Variants in SLC35F3 observed in about 807,000 individuals in gnomAD.
SLC35F3 encodes putative thiamine transporter SLC35F3.
A neutral mutation model predicts 49.9 loss-of-function variants in SLC35F3; 25 were observed. That is an observed-to-expected ratio of 0.50 (90% CI 0.37 to 0.70). SLC35F3 has a LOEUF of 0.70. Ranked by LOEUF, SLC35F3 falls within the 30% of genes least tolerant of loss-of-function variation. The pLI, the probability that SLC35F3 is intolerant of heterozygous loss-of-function variation, is 0.00. For synonymous variants in SLC35F3, 275 were observed against 265.4 expected (o/e 1.04, Z -0.35); for missense variants, 525 against 639.8 (o/e 0.82, Z 1.94).
chr1:234,227,756 CT>C (rs1667310872), intron 2 of SLC35F3, among the ~76,000 whole-genome samples: 1 of 152,130 alleles, frequency 6.6e-6, no homozygotes, highest in African/African-American at 2.4e-5. Flanking sequence ...AACACTTGAC[CT>C]GAAATTTTGG....
At chr1:234,205,809 C>A (rs1293859368) in intron 2 of SLC35F3, among the ~76,000 whole-genome samples, 2 of 152,144 alleles carry the variant, frequency 1.3e-5, no homozygotes, top group African/African-American at 4.8e-5. Flanking sequence ...GTTTTAGGAG[C>A]CAGAAATCCA....
At chr1:233,918,342 A>G (rs1662004107) in intron 2 of SLC35F3, among the ~76,000 whole-genome samples, 1 of 152,108 alleles carries the variant, frequency 6.6e-6, no homozygotes, top group Non-Finnish European at 1.5e-5. Flanking sequence ...GATAACAGTT[A>G]TCTTATGGTG....
At chr1:234,000,398 G>T (rs1014537860) in intron 2 of SLC35F3, among the ~76,000 whole-genome samples, 5 of 152,176 alleles carry the variant, frequency 3.3e-5, no homozygotes, top group African/African-American at 4.8e-5. Flanking sequence ...TTACGCAATG[G>T]CAGGGGACAC....
At chr1:234,280,653 A>C (rs1572132832) in intron 3 of SLC35F3, among the ~76,000 whole-genome samples, 1 of 152,202 alleles carries the variant, frequency 6.6e-6, no homozygotes, top group African/African-American at 2.4e-5. Flanking sequence ...GACAGTCTTT[A>C]CATGTCATTA....
chr1:234,254,640 G>C (rs1250391339), intron 3 of SLC35F3, among the ~76,000 whole-genome samples: 2 of 152,246 alleles, frequency 1.3e-5, no homozygotes, highest in African/African-American at 4.8e-5. Context: ...GATTGTAAAA[G>C]ATACTATAAA....
intron 3 of SLC35F3, among the ~76,000 whole-genome samples, chr1:234,247,336 T>C (rs1667649187): frequency 6.6e-6 from 1 of 152,236 alleles, no homozygotes; most frequent in South Asian, 2.1e-4. Context: ...CATTGTTTGA[T>C]AGTTTGGTTG....
At chr1:234,285,774 G>T (rs1340747642) in intron 3 of SLC35F3, among the ~76,000 whole-genome samples, 1 of 152,210 alleles carries the variant, frequency 6.6e-6, no homozygotes, top group Non-Finnish European at 1.5e-5. Context: ...GGATTCCTGA[G>T]GGGTAGCGGG....
intron 2 of SLC35F3, among the ~76,000 whole-genome samples, chr1:234,220,619 C>T (rs1348616544): frequency 1.3e-5 from 2 of 152,156 alleles, no homozygotes; most frequent in East Asian, 3.9e-4. Flanking sequence ...GAGACAACTG[C>T]CATGTGGTAT....
At chr1:234,042,300 AT>A (rs1664233086) in intron 2 of SLC35F3, among the ~76,000 whole-genome samples, 1 of 152,194 alleles carries the variant, frequency 6.6e-6, no homozygotes, top group African/African-American at 2.4e-5. Flanking sequence ...AAACAGGGGC[AT>A]GATTAATACA....
chr1:234,183,175 C>G (rs1407620395), intron 2 of SLC35F3, among the ~76,000 whole-genome samples: 2 of 142,338 alleles, frequency 1.4e-5, no homozygotes, highest in Non-Finnish European at 3.0e-5. Context: ...CACCACCACA[C>G]CCAGCTAATT....
intron 2 of SLC35F3, among the ~76,000 whole-genome samples, chr1:234,141,410 G>A (rs1280656110): frequency 2.6e-5 from 4 of 151,918 alleles, no homozygotes. Context: ...AGGGTTAATT[G>A]GTATACAAAA....
chr1:234,033,335 G>T (rs2358203), intron 2 of SLC35F3, among the ~76,000 whole-genome samples: 37,808 of 151,984 alleles, frequency 0.25, 9,670 homozygotes, highest in African/African-American at 0.65. Flanking sequence ...TTATTTCTTT[G>T]GCTGTGCGGA....
At chr1:234,004,024 AG>A (rs1215936435) in intron 2 of SLC35F3, among the ~76,000 whole-genome samples, 1 of 152,216 alleles carries the variant, frequency 6.6e-6, no homozygotes, top group East Asian at 1.9e-4. Flanking sequence ...TGCAGCCACT[AG>A]GAAGGGCAAT....
chr1:234,140,504 C>A (rs1180758669), intron 2 of SLC35F3, among the ~76,000 whole-genome samples: 4 of 152,116 alleles, frequency 2.6e-5, no homozygotes, highest in Admixed American at 2.0e-4. Flanking sequence ...TCGGTACTGG[C>A]CAGTTTCACC....
intron 5 of SLC35F3, among the ~76,000 whole-genome samples, chr1:234,317,158 T>G (rs918609538): frequency 6.6e-6 from 1 of 152,230 alleles, no homozygotes; most frequent in Admixed American, 6.5e-5. Context: ...CAGCCACCAC[T>G]GCTCGCTATG....
At chr1:234,012,968 A>C (rs1029687011) in intron 2 of SLC35F3, among the ~76,000 whole-genome samples, 1 of 152,218 alleles carries the variant, frequency 6.6e-6, no homozygotes, top group Non-Finnish European at 1.5e-5. Flanking sequence ...GCCTTGATCT[A>C]TAAAACATCA....
chr1:234,207,987 C>G (rs987308362), intron 2 of SLC35F3, among the ~76,000 whole-genome samples: 1 of 152,024 alleles, frequency 6.6e-6, no homozygotes, highest in African/African-American at 2.4e-5. Context: ...GCAGCCTGGG[C>G]ATCAGAGCAA....
rs576271633 is a variant in SLC35F3, at chr1:234,011,653, G to C, written c.283+105895G>C. Reference sequence around the variant, plus strand: ...GATGTGGGAGGAAGTGAGAGCACTTGAAGAAAATCCACGTAGACATGGAGA... The same window carrying C: ...GATGTGGGAGGAAGTGAGAGCACTTCAAGAAAATCCACGTAGACATGGAGA... On this transcript the variant is annotated intron_variant, in intron 2 of 7. Transcript: ENST00000366618. 2.0e-5 allele frequency among the ~76,000 whole-genome samples: 3 copies of C among 152,274 alleles called. No individual in the cohort carries two copies. The South Asian group carries it at 6.2e-4, about 32-fold the overall frequency.
At chr1:234,155,729 A>G (rs914887662) in intron 2 of SLC35F3, among the ~76,000 whole-genome samples, 1 of 151,678 alleles carries the variant, frequency 6.6e-6, no homozygotes, top group African/African-American at 2.4e-5. Flanking sequence ...TATTGGGGAA[A>G]GGATGGATTA....
Sources: allele counts gnomAD v4.1 joint callset (sites outside exome capture counted in the v4.1 genomes callset), GRCh38; gene constraint gnomAD v4.1.1; transcripts MANE v1.5; gene names NCBI Gene and HGNC (gene_info 2026-07-23, HGNC 2026-07-21).